Variants in FGF14 observed in about 807,000 individuals in gnomAD.
FGF14 encodes fibroblast growth factor homologous factor 4.
In FGF14, 5 loss-of-function variants were observed where a neutral mutation model predicts 25.5. That is an observed-to-expected ratio of 0.20 (90% CI 0.10 to 0.41). The LOEUF is 0.41. Among genes scored for constraint, FGF14 ranks in the 10% least tolerant of loss-of-function variants. FGF14 has a pLI of 1.00. For synonymous variants in FGF14, 138 were observed against 118.3 expected, an observed-to-expected ratio of 1.17 and a Z score of -1.08; for missense variants, 222 against 320.1, an observed-to-expected ratio of 0.69 and a Z score of 2.34.
At chr13:102,169,832 C>A (rs1594260459) in intron 1 of FGF14, among the ~76,000 whole-genome samples, 1 of 150,162 alleles carries the variant, frequency 6.7e-6, no homozygotes, top group Middle Eastern at 3.4e-3. Context: ...ATAGCTACAC[C>A]ACCCAGTCCA....
rs201033233 is a variant in FGF14, at chr13:101,724,597, A to AAT, written c.608-1632_608-1631dup. ...CCTAGAACTTAAAGTATAATAATAA[A>AAT]ATATATATATATATATATATATATA... On this transcript the variant is annotated intron_variant, in intron 4 of 4. Coordinates refer to ENST00000376143, the MANE Select transcript of FGF14 (RefSeq NM_004115.4). Among the ~76,000 whole-genome samples, 678 of 121,228 alleles carry AAT rather than the reference A, an allele frequency of 5.6e-3. 3 individuals carry two copies. Among genetic ancestry groups the AAT allele is most frequent in the East Asian group, 8.1e-3 (36 of 4,434 alleles). The allele number at this position is 121,228 out of a possible 152,430, so 79.5% of individuals were successfully genotyped here. A position where few individuals can be genotyped will look rare whatever the true frequency, so the allele number is the denominator to read the frequency against.
chr13:102,152,964 A>C (rs1254856908), intron 1 of FGF14, among the ~76,000 whole-genome samples: 1 of 152,064 alleles, frequency 6.6e-6, no homozygotes, highest in Non-Finnish European at 1.5e-5. Context: ...TCCCTCCTAC[A>C]CCGTGGCAGG....
intron 1 of FGF14, among the ~76,000 whole-genome samples, chr13:102,070,760 T>A (rs2043120255): frequency 6.6e-6 from 1 of 152,234 alleles, no homozygotes; most frequent in Admixed American, 6.5e-5. Context: ...ATGTGGTATA[T>A]TTGTGTTAAA....
chr13:102,126,780 A>C (rs1287804778), intron 1 of FGF14, among the ~76,000 whole-genome samples: 2 of 152,144 alleles, frequency 1.3e-5, no homozygotes, highest in Non-Finnish European at 2.9e-5. Flanking sequence ...AATTTTTCTC[A>C]ATGATTCTGT....
At chr13:101,864,420 T>C (rs2044586068) in intron 3 of FGF14, among the ~76,000 whole-genome samples, 1 of 152,140 alleles carries the variant, frequency 6.6e-6, no homozygotes, top group African/African-American at 2.4e-5. Flanking sequence ...TGTTGTGTGA[T>C]TGTCCACAGT....
intron 1 of FGF14, among the ~76,000 whole-genome samples, chr13:102,264,270 A>C (rs2052869038): frequency 6.6e-6 from 1 of 152,086 alleles, no homozygotes; most frequent in South Asian, 2.1e-4. Flanking sequence ...GGGACAATGC[A>C]GTGCTGAACA....
chr13:101,873,888 A>C (rs1174422426), intron 2 of FGF14, among the ~76,000 whole-genome samples: 1 of 152,212 alleles, frequency 6.6e-6, no homozygotes, highest in East Asian at 1.9e-4. Context: ...CCAATAAACA[A>C]ACATAAAAAG....
Position 102,235,877 on chromosome 13 carries a change from C to T in FGF14, c.208+165594G>A, listed in dbSNP as rs549879398. ...ATGTTTACAATTCAGGGAACAGATT[C>T]GTAATATTTACCCAATAGACCCAGG... On this transcript the variant is annotated intron_variant, in intron 1 of 4. Coordinates refer to the FGF14 transcript ENST00000376131. 4.6e-5 allele frequency among the ~76,000 whole-genome samples: 7 copies of T among 152,256 alleles called. No homozygotes were observed. In the East Asian group the frequency reaches 7.7e-4, roughly 17 times the overall value.
chr13:101,830,262 G>A (rs1434615708), intron 3 of FGF14, among the ~76,000 whole-genome samples: 2 of 151,990 alleles, frequency 1.3e-5, no homozygotes, highest in Non-Finnish European at 2.9e-5. Flanking sequence ...GGCTCTTACA[G>A]TTATCCTGGG....
intron 1 of FGF14, among the ~76,000 whole-genome samples, chr13:102,311,627 AG>A (rs2055772265): frequency 6.6e-6 from 1 of 152,200 alleles, no homozygotes; most frequent in Admixed American, 6.6e-5. Context: ...GAAAGTAAGC[AG>A]AAGAGATTAA....
At chr13:102,279,320 T>A (rs2053710268) in intron 1 of FGF14, among the ~76,000 whole-genome samples, 1 of 152,304 alleles carries the variant, frequency 6.6e-6, no homozygotes, top group South Asian at 2.1e-4. Context: ...GGTACCATCA[T>A]ACATAAGCTT....
chr13:102,306,955 G>A (rs544768254), intron 1 of FGF14, among the ~76,000 whole-genome samples: 1 of 152,194 alleles, frequency 6.6e-6, no homozygotes, highest in East Asian at 1.9e-4. Context: ...TTAAGGGTAA[G>A]GACCTCGAGA....
At chr13:102,153,510 A>G (rs1427833611) in intron 1 of FGF14, among the ~76,000 whole-genome samples, 1 of 152,144 alleles carries the variant, frequency 6.6e-6, no homozygotes, top group East Asian at 1.9e-4. Flanking sequence ...AAGCCTATTT[A>G]TTTTACAGTT....
chr13:102,071,584 CTG>C (rs1353204722), intron 1 of FGF14, among the ~76,000 whole-genome samples: 1 of 152,134 alleles, frequency 6.6e-6, no homozygotes, highest in Non-Finnish European at 1.5e-5. Flanking sequence ...AGATTTATCA[CTG>C]TCTTTCTTGG....
chr13:102,336,198 G>C (rs2056783203), intron 1 of FGF14, among the ~76,000 whole-genome samples: 1 of 152,204 alleles, frequency 6.6e-6, no homozygotes, highest in South Asian at 2.1e-4. Context: ...TCTTGCACCA[G>C]TTTGCCAAGT....
chr13:102,202,572 G>GA (rs979860195), intron 1 of FGF14, among the ~76,000 whole-genome samples: 1 of 152,174 alleles, frequency 6.6e-6, no homozygotes, highest in Non-Finnish European at 1.5e-5. Context: ...TGCATTGGGG[G>GA]AAAAAGTCCT....
intron 1 of FGF14, among the ~76,000 whole-genome samples, chr13:101,970,632 CTG>C (rs1158402861): frequency 1.3e-5 from 2 of 152,116 alleles, no homozygotes; most frequent in Non-Finnish European, 2.9e-5. Flanking sequence ...CCATGTCTGA[CTG>C]TAAGGAAAGT....
intron 1 of FGF14, among the ~76,000 whole-genome samples, chr13:102,200,926 C>A (rs2049597443): frequency 6.6e-6 from 1 of 151,650 alleles, no homozygotes; most frequent in Non-Finnish European, 1.5e-5. Context: ...CATGGTGAAA[C>A]CCCGTCTCTA....
At chr13:102,019,916 A>G (rs139716823) in intron 1 of FGF14, among the ~76,000 whole-genome samples, 25 of 152,238 alleles carry the variant, frequency 1.6e-4, no homozygotes, top group African/African-American at 6.0e-4. Flanking sequence ...CTTTCATAGG[A>G]GATAATATTT....
Sources: allele counts gnomAD v4.1 joint callset (sites outside exome capture counted in the v4.1 genomes callset), GRCh38; gene constraint gnomAD v4.1.1; transcripts MANE v1.5; gene names NCBI Gene and HGNC (gene_info 2026-07-23, HGNC 2026-07-21).